The following SLC2A13 variants were observed in gnomAD, a reference collection of about 807,000 sequenced individuals.
SLC2A13 encodes the protein proton myo-inositol cotransporter.
A neutral mutation model predicts 64.4 loss-of-function variants in SLC2A13; 32 were observed. The observed-to-expected ratio is 0.50, with a 90% CI of 0.37 to 0.67. SLC2A13 has a LOEUF of 0.67. Among genes scored for constraint, SLC2A13 ranks in the 30% least tolerant of loss-of-function variants. SLC2A13 has a pLI of 0.00. For missense variants in SLC2A13, 743 were observed against 829.2 expected (o/e 0.90, Z 1.28); for synonymous variants, 338 against 327.1 (o/e 1.03, Z -0.36).
chr12:40,033,457 G>A (rs1947933993), intron 2 of SLC2A13, among the ~76,000 whole-genome samples: 1 of 152,212 alleles, frequency 6.6e-6, no homozygotes, highest in Admixed American at 6.5e-5. Context: ...GCCCAGCACA[G>A]GTGCCCAACA....
chr12:39,999,298 G>A (rs576142511), intron 3 of SLC2A13, among the ~76,000 whole-genome samples: 26 of 152,166 alleles, frequency 1.7e-4, no homozygotes, highest in Non-Finnish European at 3.2e-4. Context: ...GACTGCCCGC[G>A]GGGTCAGGCA....
intron 4 of SLC2A13, among the ~76,000 whole-genome samples, chr12:39,917,597 CT>C (rs1945542384): frequency 1.3e-5 from 2 of 152,044 alleles, no homozygotes. Context: ...AATTTTGCCC[CT>C]CTTTTTTTCC....
intron 7 of SLC2A13, among the ~76,000 whole-genome samples, chr12:39,810,838 T>G (rs1471163069): frequency 2.0e-5 from 3 of 152,134 alleles, no homozygotes; most frequent in African/African-American, 7.2e-5. Flanking sequence ...AATTTGAGAA[T>G]TTTTCTGTCT....
intron 3 of SLC2A13, among the ~76,000 whole-genome samples, chr12:40,021,995 C>T (rs541907929): frequency 4.6e-5 from 7 of 151,658 alleles, no homozygotes; most frequent in Admixed American, 1.3e-4. Flanking sequence ...AAATGACTTA[C>T]GAAGGTAGGT....
Position 39,843,886 on chromosome 12 carries a change from C to T in SLC2A13, c.1320-13658G>A, listed in dbSNP as rs141795306. Among the ~76,000 whole-genome samples the T allele has an allele frequency of 2.4e-4, 36 of 152,094 alleles. No homozygotes were observed. In the East Asian group the frequency reaches 5.6e-3, roughly 24 times the overall value. Reference sequence around the variant, plus strand: ...ATTTCTATATCATCCTGGTTCTGAGCTATAGTATATGATTACTGGCACATG... The same window carrying T: ...ATTTCTATATCATCCTGGTTCTGAGTTATAGTATATGATTACTGGCACATG... On this transcript the variant is annotated intron_variant, in intron 6 of 9. Transcript: ENST00000280871.
intron 3 of SLC2A13, among the ~76,000 whole-genome samples, chr12:40,021,693 A>G (rs192274121): frequency 1.3e-5 from 2 of 152,336 alleles, no homozygotes; most frequent in East Asian, 3.9e-4. Context: ...TTCACCTAGT[A>G]AATGACATCC....
intron 6 of SLC2A13, among the ~76,000 whole-genome samples, chr12:39,864,159 C>T (rs925951054): frequency 5.9e-5 from 9 of 152,178 alleles, no homozygotes; most frequent in African/African-American, 1.4e-4. Context: ...ATCTACTTTT[C>T]GATCTATTTA....
At chr12:39,760,382 A>T (rs981945257) in intron 9 of SLC2A13, 130 bp from the exon 10 acceptor site, 23 of 696,384 alleles carry the variant, frequency 3.3e-5, no homozygotes, top group Non-Finnish European at 5.2e-5. Flanking sequence ...GGACCAAAAA[A>T]TTACTATGAA....
intron 1 of SLC2A13, among the ~76,000 whole-genome samples, chr12:40,051,743 G>A (rs1482214125): frequency 1.3e-5 from 2 of 152,188 alleles, no homozygotes; most frequent in African/African-American, 4.8e-5. Flanking sequence ...AAAGCATCCT[G>A]CTGAGGAAGG....
chr12:39,890,309 T>G (rs1944572367), intron 4 of SLC2A13, among the ~76,000 whole-genome samples: 1 of 152,154 alleles, frequency 6.6e-6, no homozygotes, highest in Non-Finnish European at 1.5e-5. Flanking sequence ...TAAACAGTAT[T>G]ATTTATAAAA....
At position 40,061,242 on chromosome 12, in the gene SLC2A13, A is replaced by G. The variant is rs111289488; in HGVS notation, c.557-13032T>C. Among the ~76,000 whole-genome samples the G allele has an allele frequency of 8.5e-5, 13 of 152,294 alleles. 2 individuals are homozygous for G. Among genetic ancestry groups the G allele is most frequent in the African/African-American group, 2.9e-4 (12 of 41,576 alleles). On this transcript the variant is annotated intron_variant, in intron 1 of 9. Transcript: ENST00000280871. ...ACAGAAAATGGTAGATCTAATACATATAAATGAATCAAATGTACCAAGTAA... is the reference window on the plus strand; with the variant it reads ...ACAGAAAATGGTAGATCTAATACATGTAAATGAATCAAATGTACCAAGTAA...
chr12:40,097,631 T>G (rs1382535540), intron 1 of SLC2A13, among the ~76,000 whole-genome samples: 1 of 152,010 alleles, frequency 6.6e-6, no homozygotes, highest in Non-Finnish European at 1.5e-5. Flanking sequence ...TATGAAAAAA[T>G]GTTCCACATC....
At chr12:39,975,366 T>C (rs1297596055) in intron 3 of SLC2A13, among the ~76,000 whole-genome samples, 1 of 152,230 alleles carries the variant, frequency 6.6e-6, no homozygotes, top group Non-Finnish European at 1.5e-5. Context: ...ACTACGTACA[T>C]TCTTTTAAGA....
chr12:39,788,117 C>T (rs1228208199), intron 7 of SLC2A13, among the ~76,000 whole-genome samples: 1 of 152,046 alleles, frequency 6.6e-6, no homozygotes, highest in African/African-American at 2.4e-5. Flanking sequence ...AACTTATGTA[C>T]TGTTGTTCAC....
intron 2 of SLC2A13, among the ~76,000 whole-genome samples, chr12:40,034,622 C>A (rs1181299994): frequency 2.0e-5 from 3 of 152,110 alleles, no homozygotes; most frequent in Non-Finnish European, 2.9e-5. Flanking sequence ...TCCATGTTAG[C>A]CCATTCTGAA....
intron 4 of SLC2A13, among the ~76,000 whole-genome samples, chr12:39,931,877 A>T (rs1945831290): frequency 6.6e-6 from 1 of 152,224 alleles, no homozygotes; most frequent in South Asian, 2.1e-4. Flanking sequence ...AATTACTAAA[A>T]TAGTATTATA....
intron 4 of SLC2A13, among the ~76,000 whole-genome samples, chr12:39,930,807 T>G (rs777277462): frequency 6.6e-6 from 1 of 152,210 alleles, no homozygotes; most frequent in Non-Finnish European, 1.5e-5. Flanking sequence ...TCATTTATTG[T>G]TTAATGAAAA....
intron 7 of SLC2A13, among the ~76,000 whole-genome samples, chr12:39,803,686 C>T (rs563564435): frequency 6.6e-6 from 1 of 152,076 alleles, no homozygotes; most frequent in South Asian, 2.1e-4. Flanking sequence ...GAATAAATTC[C>T]TCAGAATATG....
intron 7 of SLC2A13, among the ~76,000 whole-genome samples, chr12:39,777,295 G>A (rs1273994794): frequency 6.6e-6 from 1 of 152,084 alleles, no homozygotes; most frequent in Non-Finnish European, 1.5e-5. Context: ...ACAAACTCAG[G>A]ATAAGTTCAT....
Sources: gnomAD v4.1 joint callset for allele counts (sites outside exome capture counted in the v4.1 genomes callset) on GRCh38, gnomAD v4.1.1 for gene constraint, MANE v1.5 for transcripts, NCBI Gene and HGNC (gene_info 2026-07-23, HGNC 2026-07-21) for gene names.